Variants in INPP4B observed in about 807,000 individuals in gnomAD.
The protein encoded by INPP4B is inositol polyphosphate 4-phosphatase type II.
A neutral mutation model predicts 122.5 loss-of-function variants in INPP4B; 55 were observed. The observed-to-expected ratio is 0.45, with a 90% confidence interval of 0.36 to 0.56. The LOEUF is 0.56. Ranked by LOEUF, INPP4B falls within the 20% of genes least tolerant of loss-of-function variation. The pLI, the probability that INPP4B is intolerant of heterozygous loss-of-function variation, is 0.00. For synonymous variants in INPP4B, 403 were observed against 388.7 expected, an observed-to-expected ratio of 1.04 and a Z score of -0.43; for missense variants, 1,000 against 1,097.7, an observed-to-expected ratio of 0.91 and a Z score of 1.26.
chr4:142,807,839 G>T (rs555799044), intron 1 of INPP4B, among the ~76,000 whole-genome samples: 6 of 152,230 alleles, frequency 3.9e-5, no homozygotes, highest in Non-Finnish European at 7.4e-5. Flanking sequence ...CTAGCATTTT[G>T]AAACAATATT....
chr4:142,140,875 G>A (rs1807420694), intron 18 of INPP4B, among the ~76,000 whole-genome samples: 1 of 152,150 alleles, frequency 6.6e-6, no homozygotes, highest in Admixed American at 6.6e-5. Context: ...TGCCAGCTTA[G>A]ATATCATTAT....
intron 2 of INPP4B, among the ~76,000 whole-genome samples, chr4:142,659,463 T>G (rs1220310675): frequency 6.6e-6 from 1 of 152,072 alleles, no homozygotes; most frequent in Non-Finnish European, 1.5e-5. Flanking sequence ...ACTTATATAT[T>G]GGTCACTAAA....
intron 25 of INPP4B, among the ~76,000 whole-genome samples, chr4:142,041,637 T>A (rs1470243807): frequency 1.3e-5 from 2 of 151,926 alleles, no homozygotes; most frequent in Non-Finnish European, 1.5e-5. Flanking sequence ...CTACTACTAC[T>A]AATAATAATA....
chr4:142,401,937 A>AT (rs1579962396), intron 7 of INPP4B, among the ~76,000 whole-genome samples: 1 of 152,170 alleles, frequency 6.6e-6, no homozygotes, highest in Admixed American at 6.5e-5. Context: ...AATATAGAAT[A>AT]TTTTTTTCCA....
chr4:142,447,333 G>A (rs1305582319), intron 3 of INPP4B, among the ~76,000 whole-genome samples: 1 of 152,184 alleles, frequency 6.6e-6, no homozygotes, highest in Non-Finnish European at 1.5e-5. Flanking sequence ...TGCTACTGCA[G>A]TGAGAAAAGA....
intron 17 of INPP4B, among the ~76,000 whole-genome samples, chr4:142,154,830 CACTA>C (rs1019020981): frequency 6.6e-6 from 1 of 152,032 alleles, no homozygotes; most frequent in African/African-American, 2.4e-5. Flanking sequence ...TCACATGCTC[CACTA>C]ACTGTGTGAA....
intron 23 of INPP4B, among the ~76,000 whole-genome samples, chr4:142,089,030 T>G (rs1280553711): frequency 6.6e-6 from 1 of 152,106 alleles, no homozygotes; most frequent in African/African-American, 2.4e-5. Flanking sequence ...CGTTTGAGGC[T>G]GAGGGGAAAA....
intron 2 of INPP4B, among the ~76,000 whole-genome samples, chr4:142,723,605 T>TA (rs1264401851): frequency 6.6e-6 from 1 of 152,092 alleles, no homozygotes; most frequent in Non-Finnish European, 1.5e-5. Context: ...TCTGCACACA[T>TA]AAAAGTGTCG....
chr4:142,235,804 G>T (rs886292050), intron 12 of INPP4B, among the ~76,000 whole-genome samples: 3 of 152,080 alleles, frequency 2.0e-5, no homozygotes, highest in Non-Finnish European at 4.4e-5. Flanking sequence ...CTATATCATA[G>T]TTGTATATAT....
intron 9 of INPP4B, among the ~76,000 whole-genome samples, chr4:142,274,974 C>T (rs113813047): frequency 0.014 from 2,100 of 149,164 alleles, 47 homozygotes; most frequent in African/African-American, 0.049. Flanking sequence ...AGACAAAGAT[C>T]GGGAAAATTT....
At chr4:142,626,262 G>A (rs1395379467) in intron 2 of INPP4B, among the ~76,000 whole-genome samples, 2 of 152,032 alleles carry the variant, frequency 1.3e-5, no homozygotes, top group East Asian at 1.9e-4. Flanking sequence ...TCATCCCCAT[G>A]GTTAGGTTAA....
chr4:142,135,416 A>G (rs923696899), intron 18 of INPP4B, among the ~76,000 whole-genome samples: 8 of 148,854 alleles, frequency 5.4e-5, no homozygotes, highest in Non-Finnish European at 1.0e-4. Flanking sequence ...TTAACCTTAA[A>G]AAAAAGTGAG....
intron 9 of INPP4B, among the ~76,000 whole-genome samples, chr4:142,294,834 A>G (rs908650042): frequency 7.1e-6 from 1 of 140,628 alleles, no homozygotes; most frequent in African/African-American, 2.6e-5. Context: ...CGTCTCAAAA[A>G]AAAAAAAAAA....
chr4:142,552,454 GAAGTTACT>G lies in INPP4B; in HGVS notation c.-190-89736_-190-89729del, dbSNP rs1330502445. On this transcript the variant is annotated intron_variant, in intron 2 of 25. Transcript: ENST00000262992. ...TTAAAAAAAAAAACAAAAAGAAGAA[GAAGTTACT>G]TACTGGGACCCTGCACTGCCTATCT... Among the ~76,000 whole-genome samples the G allele has an allele frequency of 4.7e-4, 72 of 151,832 alleles. 1 individual carries two copies. Among genetic ancestry groups the G allele is most frequent in the African/African-American group, 1.6e-3 (65 of 41,420 alleles).
chr4:142,632,803 G>T (rs1748260458), intron 2 of INPP4B, among the ~76,000 whole-genome samples: 1 of 151,458 alleles, frequency 6.6e-6, no homozygotes, highest in Admixed American at 6.6e-5. Context: ...GTGAGATCTA[G>T]AATAAATTCT....
rs1414227764 is a variant in INPP4B at position 142,398,421 on chromosome 4, T to A, written c.372+4517A>T. On this transcript the variant is annotated intron_variant, in intron 7 of 25. Transcript: ENST00000262992. ...AAAAAAATATATATATATATATATATATATATATATATATATATATATATA... is the reference window on the plus strand; with the variant it reads ...AAAAAAATATATATATATATATATAAATATATATATATATATATATATATA... Among the ~76,000 whole-genome samples the A allele has an allele frequency of 2.1e-3, 198 of 93,434 alleles. 2 individuals are homozygous for A. The highest frequency in any genetic ancestry group is 4.6e-3 in the African/African-American group (109 of 23,926). 61.3% of individuals were successfully genotyped at this position (93,434 alleles called of 152,430 possible).
At chr4:142,634,984 C>T (rs1312324810) in intron 2 of INPP4B, among the ~76,000 whole-genome samples, 1 of 152,006 alleles carries the variant, frequency 6.6e-6, no homozygotes, top group African/African-American at 2.4e-5. Context: ...TAATATCCAG[C>T]ATCTATAACG....
At chr4:142,264,107 C>T (rs972087752) in intron 10 of INPP4B, among the ~76,000 whole-genome samples, 1 of 152,052 alleles carries the variant, frequency 6.6e-6, no homozygotes, top group Non-Finnish European at 1.5e-5. Flanking sequence ...AGAGGAAAGA[C>T]ATGTCCTAAG....
intron 18 of INPP4B, among the ~76,000 whole-genome samples, chr4:142,142,237 A>C (rs1414187535): frequency 6.6e-6 from 1 of 152,174 alleles, no homozygotes. Flanking sequence ...ATTATCAAAA[A>C]TAATATTTTG....
Sources: allele counts gnomAD v4.1 joint callset (sites outside exome capture counted in the v4.1 genomes callset), GRCh38; gene constraint gnomAD v4.1.1; transcripts MANE v1.5; gene names NCBI Gene and HGNC (gene_info 2026-07-23, HGNC 2026-07-21).